VPS13D: variants seen among roughly 807,000 people sequenced by gnomAD.
VPS13D encodes intermembrane lipid transfer protein VPS13D.
Under a neutral mutation model 461.9 loss-of-function variants are expected in VPS13D, and 187 were observed. The ratio of observed to expected loss-of-function variants is 0.40; its 90% CI spans 0.36 to 0.46. The LOEUF (loss-of-function observed/expected upper bound fraction) is 0.46, where lower values mean the gene tolerates loss of function less well. Among genes scored for constraint, VPS13D ranks in the 20% least tolerant of loss-of-function variants. The pLI, the probability that VPS13D is intolerant of heterozygous loss-of-function variation, is 0.60. For missense variants in VPS13D, 4,711 were observed against 5,364.9 expected (o/e 0.88, Z 3.81); for synonymous variants, 1,951 against 1,986.3 (o/e 0.98, Z 0.47).
rs140197228 is a variant in VPS13D, at chr1:12,404,318, G to A, written c.12030+345G>A. On this transcript the variant is annotated intron_variant, in intron 63 of 69. Coordinates refer to ENST00000620676, the MANE Select transcript of VPS13D (RefSeq NM_015378.4). Reference sequence around the variant, plus strand: ...ATAAAAGCCTTTTTCCTAAAGTTGTGTCCAGGATCAAGAGAAAAAGCAGTC... The same window carrying A: ...ATAAAAGCCTTTTTCCTAAAGTTGTATCCAGGATCAAGAGAAAAAGCAGTC... Among the ~76,000 whole-genome samples, 1,106 of 152,218 alleles carry A rather than the reference G, an allele frequency of 7.3e-3. 16 individuals are homozygous for A. The highest frequency in any genetic ancestry group is 0.026 in the African/African-American group (1,059 of 41,514).
intron 60 of VPS13D, among the ~76,000 whole-genome samples, chr1:12,392,246 C>T (rs1644436317): frequency 6.6e-6 from 1 of 152,040 alleles, no homozygotes; most frequent in African/African-American, 2.4e-5. Flanking sequence ...AGTCTCAGCA[C>T]TTTGGGAGGC....
intron 61 of VPS13D, 135 bp from the exon 62 acceptor site, chr1:12,401,473 A>C: frequency 3.5e-6 from 2 of 573,042 alleles, no homozygotes; most frequent in Non-Finnish European, 6.1e-6. Flanking sequence ...GAGATAACCC[A>C]GAAATAATTT....
At position 12,343,824 on chromosome 1, in the gene VPS13D, A is replaced by G. The variant is rs189154483; in HGVS notation, c.8885+773A>G. ...ATATCATAACCCTCAAGTTTATTGC[A>G]TCTTGGCCTGATTTTCATGATGGAT... is the stretch of plus-strand genomic sequence containing the variant. On this transcript the variant is annotated intron_variant, in intron 42 of 69. Transcript: ENST00000620676. 5.9e-5 allele frequency among the ~76,000 whole-genome samples: 9 copies of G among 152,380 alleles called. No homozygotes were observed. In the East Asian group the frequency reaches 1.7e-3, roughly 29 times the overall value.
chr1:12,262,091 C>T lies in VPS13D; in HGVS notation c.1594+11C>T, dbSNP rs1426037197. 5.0e-6 allele frequency: 8 copies of T among 1,599,092 alleles called. No homozygotes were observed. The highest frequency in any genetic ancestry group is 1.7e-4 in the Middle Eastern group (1 of 5,988). On this transcript the variant is annotated intron_variant, in intron 13 of 69. Coordinates refer to ENST00000620676, the MANE Select transcript of VPS13D (RefSeq NM_015378.4). ...AGCTCGAGTTTTCAGGTACACTGCC[C>T]CCAAGAAACTACCTGCCACTGTTGT...
At chr1:12,377,757 T>A (rs1190455670) in intron 55 of VPS13D, among the ~76,000 whole-genome samples, 1 of 145,156 alleles carries the variant, frequency 6.9e-6, no homozygotes, top group Non-Finnish European at 1.5e-5. Flanking sequence ...GGAGGAGAGA[T>A]TGTAGTGAGC....
intron 1 of VPS13D, among the ~76,000 whole-genome samples, 183 bp downstream of exon 1, chr1:12,230,303 C>T (rs893078822): frequency 2.6e-5 from 4 of 152,064 alleles, no homozygotes; most frequent in South Asian, 2.1e-4. Flanking sequence ...CTCGGGGTAA[C>T]CCTGGGCGTC....
At chr1:12,373,135 G>A (rs1337312904) in intron 54 of VPS13D, among the ~76,000 whole-genome samples, 4 of 117,146 alleles carry the variant, frequency 3.4e-5, no homozygotes, top group Non-Finnish European at 7.2e-5. Flanking sequence ...TTTTTTTGGG[G>A]GTTGGGGCAG....
intron 60 of VPS13D, among the ~76,000 whole-genome samples, chr1:12,389,300 G>C (rs1408996090): frequency 6.6e-6 from 1 of 152,086 alleles, no homozygotes; most frequent in African/African-American, 2.4e-5. Context: ...ACACACCCAG[G>C]ATCAATACTT....
intron 2 of VPS13D, among the ~76,000 whole-genome samples, chr1:12,240,619 G>C (rs1207008780): frequency 3.2e-5 from 4 of 125,924 alleles, no homozygotes; most frequent in African/African-American, 1.3e-4. Context: ...AAAAAAAAAA[G>C]GCAGTTCGAA....
chr1:12,378,356 C>G, intron 55 of VPS13D, 72 bp from the exon 56 acceptor site: 1 of 1,419,426 alleles, frequency 7.0e-7, no homozygotes, highest in Non-Finnish European at 9.3e-7. Context: ...CTAGAGGAAG[C>G]TCTTGAAGTG....
chr1:12,468,229 T>C (rs1210842563), intron 67 of VPS13D, among the ~76,000 whole-genome samples: 1 of 152,272 alleles, frequency 6.6e-6, no homozygotes, highest in African/African-American at 2.4e-5. Flanking sequence ...CGGTGTCTAT[T>C]TCTTTTTGAG....
chr1:12,417,143 A>G (rs182451641), intron 65 of VPS13D, among the ~76,000 whole-genome samples: 1 of 152,220 alleles, frequency 6.6e-6, no homozygotes, highest in Admixed American at 6.5e-5. Flanking sequence ...TCACTGTGCC[A>G]CCAGAATGAA....
intron 35 of VPS13D, among the ~76,000 whole-genome samples, chr1:12,325,197 ATCC>A (rs1440246165): frequency 6.6e-6 from 1 of 151,688 alleles, no homozygotes; most frequent in Non-Finnish European, 1.5e-5. Context: ...GGCTCAAGCA[ATCC>A]TCCTGCCTCA....
At position 12,367,185 on chromosome 1, in the gene VPS13D, T is replaced by G. The variant is rs537001014; in HGVS notation, c.10449-1283T>G. On this transcript the variant is annotated intron_variant, in intron 52 of 69. Coordinates refer to ENST00000620676, the MANE Select transcript of VPS13D (RefSeq NM_015378.4). ...TAGTGACATTGACATTTTTGAAGACTCCAAGCAAGTTTCTTGTAGAATGTC... is the reference window on the plus strand; with the variant it reads ...TAGTGACATTGACATTTTTGAAGACGCCAAGCAAGTTTCTTGTAGAATGTC... 1.9e-3 allele frequency among the ~76,000 whole-genome samples: 288 copies of G among 152,322 alleles called. 1 individual carries two copies. The highest frequency in any genetic ancestry group is 6.4e-3 in the African/African-American group (268 of 41,582).
intron 60 of VPS13D, among the ~76,000 whole-genome samples, chr1:12,392,250 G>A (rs1456308212): frequency 2.6e-5 from 4 of 152,130 alleles, no homozygotes; most frequent in Admixed American, 2.6e-4. Context: ...TCAGCACTTT[G>A]GGAGGCCAAG....
chr1:12,322,861 A>C (rs1036325637), intron 34 of VPS13D, 115 bp downstream of exon 34: 9 of 887,876 alleles, frequency 1.0e-5, no homozygotes, highest in African/African-American at 1.7e-5. Flanking sequence ...TATGTCATTA[A>C]GTATAACTGT....
rs146166812 is a variant in VPS13D, at chr1:12,460,364, G to A, written c.12630G>A (p.Ala4210=). Reference sequence around the variant, plus strand: ...ATTTTGCATCAGAAACAGCCCAGGCGGTGAGAGACACAGCCACACTCAGCG... The same window carrying A: ...ATTTTGCATCAGAAACAGCCCAGGCAGTGAGAGACACAGCCACACTCAGCG... ...ALDFASETAQ[A]VRDTATLSGP... The change falls in exon 67 of 70, where the codon GCG becomes GCA. Residue 4210 remains alanine (A), a synonymous_variant. Coordinates refer to ENST00000620676, the MANE Select transcript of VPS13D (RefSeq NM_015378.4). The A allele has an allele frequency of 5.5e-5, 88 of 1,609,584 alleles. No individual in the cohort carries two copies. The highest frequency in any genetic ancestry group is 1.8e-4 in the East Asian group (8 of 44,610).
intron 27 of VPS13D, among the ~76,000 whole-genome samples, chr1:12,310,734 A>AC (rs1329995923): frequency 6.6e-6 from 1 of 151,748 alleles, no homozygotes; most frequent in Non-Finnish European, 1.5e-5. Context: ...GTTACCTCAT[A>AC]CTAGGTTTAA....
At chr1:12,330,505 G>A (rs1265466694) in intron 37 of VPS13D, among the ~76,000 whole-genome samples, 1 of 152,156 alleles carries the variant, frequency 6.6e-6, no homozygotes, top group African/African-American at 2.4e-5. Flanking sequence ...GCTCAATAGT[G>A]AAGGATCATT....
Sources: gnomAD v4.1 joint callset for allele counts (sites outside exome capture counted in the v4.1 genomes callset) on GRCh38, gnomAD v4.1.1 for gene constraint, MANE v1.5 for transcripts, NCBI Gene and HGNC (gene_info 2026-07-23, HGNC 2026-07-21) for gene names.